The following SAMD12 variants were observed in gnomAD, a reference collection of about 807,000 sequenced individuals.
The protein encoded by SAMD12 is sterile alpha motif domain containing 12, also known as sterile alpha motif domain-containing protein 12.
A neutral mutation model predicts 15.0 loss-of-function variants in SAMD12; 9 were observed. That is an observed-to-expected ratio of 0.60 (90% confidence interval 0.36 to 1.05). The LOEUF (loss-of-function observed/expected upper bound fraction) is 1.05. SAMD12 is among the 50% of genes least tolerant of loss of function. The pLI, the probability that SAMD12 is intolerant of heterozygous loss-of-function variation, is 0.01. For synonymous variants in SAMD12, 86 were observed against 90.1 expected, an observed-to-expected ratio of 0.96 and a Z score of 0.25; for missense variants, 230 against 234.2, an observed-to-expected ratio of 0.98 and a Z score of 0.12.
At chr8:118,315,693 A>AT (rs1815857995) in intron 4 of SAMD12, among the ~76,000 whole-genome samples, 1 of 152,178 alleles carries the variant, frequency 6.6e-6, no homozygotes, top group Admixed American at 6.5e-5. Flanking sequence ...TAGAAAAAAA[A>AT]ACTTCCAGAA....
At chr8:118,539,300 A>G (rs1825929473) in intron 2 of SAMD12, among the ~76,000 whole-genome samples, 1 of 152,196 alleles carries the variant, frequency 6.6e-6, no homozygotes, top group Non-Finnish European at 1.5e-5. Context: ...GAAGCCTCAA[A>G]TTGACACTTT....
intron 4 of SAMD12, among the ~76,000 whole-genome samples, chr8:118,258,326 C>T (rs2130050333): frequency 6.6e-6 from 1 of 152,286 alleles, no homozygotes; most frequent in South Asian, 2.1e-4. Flanking sequence ...TTATAAACCA[C>T]TTTCCTCATC....
intron 3 of SAMD12, among the ~76,000 whole-genome samples, chr8:118,408,309 A>G (rs1198365566): frequency 1.3e-5 from 2 of 152,144 alleles, no homozygotes; most frequent in Non-Finnish European, 2.9e-5. Context: ...TGCCAGTACA[A>G]GTTAAGTCAT....
intron 2 of SAMD12, among the ~76,000 whole-genome samples, chr8:118,507,404 C>T (rs1824950651): frequency 6.6e-6 from 1 of 151,990 alleles, no homozygotes; most frequent in Admixed American, 6.6e-5. Context: ...ACGACAATAT[C>T]TACCACAAAG....
chr8:118,596,316 G>C (rs777646953), intron 1 of SAMD12, among the ~76,000 whole-genome samples: 8 of 152,208 alleles, frequency 5.3e-5, no homozygotes, highest in Admixed American at 5.2e-4. Context: ...CCATTTTATA[G>C]ATGAAAAGAC....
intron 4 of SAMD12, among the ~76,000 whole-genome samples, chr8:118,371,793 G>A (rs1819110351): frequency 6.6e-6 from 1 of 152,092 alleles, no homozygotes; most frequent in Non-Finnish European, 1.5e-5. Flanking sequence ...AGCGGTAGAG[G>A]GTGAGATTGT....
intron 4 of SAMD12, among the ~76,000 whole-genome samples, chr8:118,349,439 G>A (rs1346877419): frequency 6.6e-6 from 1 of 152,208 alleles, no homozygotes; most frequent in East Asian, 1.9e-4. Flanking sequence ...AACTTTGAAA[G>A]GGCTTGGTGA....
At chr8:118,537,680 C>T (rs545019660) in intron 2 of SAMD12, among the ~76,000 whole-genome samples, 30 of 152,206 alleles carry the variant, frequency 2.0e-4, no homozygotes, top group African/African-American at 7.2e-4. Context: ...TTCTGAATTC[C>T]TTCTCTGTGT....
chr8:118,608,605 G>C (rs1217765274), intron 1 of SAMD12, among the ~76,000 whole-genome samples: 1 of 152,088 alleles, frequency 6.6e-6, no homozygotes, highest in East Asian at 1.9e-4. Context: ...TCTGGTTCAA[G>C]CAATTCTTCT....
intron 2 of SAMD12, among the ~76,000 whole-genome samples, chr8:118,443,050 TA>T (rs1822805628): frequency 6.6e-6 from 1 of 152,214 alleles, no homozygotes; most frequent in South Asian, 2.1e-4. Flanking sequence ...CCTTTTATCA[TA>T]AATTCAGAGA....
At chr8:118,416,082 G>C (rs951084035) in intron 3 of SAMD12, among the ~76,000 whole-genome samples, 8 of 152,050 alleles carry the variant, frequency 5.3e-5, no homozygotes, top group African/African-American at 1.9e-4. Context: ...AGGAGAATAG[G>C]GTTTTCTATC....
chr8:118,524,483 G>T (rs192686654), intron 2 of SAMD12, among the ~76,000 whole-genome samples: 28 of 152,114 alleles, frequency 1.8e-4, no homozygotes, highest in Admixed American at 2.0e-4. Flanking sequence ...AGTCACTGCA[G>T]CTCTGCTCTT....
In SAMD12 at chr8:118,286,604, C is replaced by G. The variant is rs186586210; in HGVS notation, c.434-88872G>C. Among the ~76,000 whole-genome samples, 1,012 of 152,286 alleles carry G rather than the reference C, an allele frequency of 6.6e-3. 14 individuals carry two copies. The highest frequency in any genetic ancestry group is 0.023 in the African/African-American group (965 of 41,566). ...ATGTGTCATAAACTGGCAGGGTTCTCCATGCTCCCTTTAGCTGGGAAGCCA... is the reference window on the plus strand; with the variant it reads ...ATGTGTCATAAACTGGCAGGGTTCTGCATGCTCCCTTTAGCTGGGAAGCCA... On this transcript the variant is annotated intron_variant, in intron 4 of 4. Transcript: ENST00000409003.
intron 2 of SAMD12, among the ~76,000 whole-genome samples, chr8:118,536,690 T>G (rs980873352): frequency 6.6e-6 from 1 of 152,228 alleles, no homozygotes; most frequent in African/African-American, 2.4e-5. Context: ...CACTTCCATT[T>G]TTAACTTTTT....
intron 4 of SAMD12, among the ~76,000 whole-genome samples, chr8:118,211,546 GT>G (rs1757201438): frequency 6.6e-6 from 1 of 152,206 alleles, no homozygotes; most frequent in African/African-American, 2.4e-5. Flanking sequence ...TAAAATAACA[GT>G]TTGGGCAAGT....
chr8:118,593,585 C>T (rs1309238562), intron 1 of SAMD12, among the ~76,000 whole-genome samples: 3 of 152,128 alleles, frequency 2.0e-5, no homozygotes, highest in African/African-American at 7.2e-5. Flanking sequence ...TACAGCATAA[C>T]GGACAGTGCA....
At chr8:118,214,020 T>G (rs756979436) in intron 4 of SAMD12, among the ~76,000 whole-genome samples, 1 of 152,156 alleles carries the variant, frequency 6.6e-6, no homozygotes, top group Non-Finnish European at 1.5e-5. Context: ...TACTTGGAAA[T>G]TGAGAGTAGA....
chr8:118,236,105 G>T (rs568847129), intron 4 of SAMD12, among the ~76,000 whole-genome samples: 15 of 152,052 alleles, frequency 9.9e-5, no homozygotes, highest in Admixed American at 9.8e-4. Context: ...ATGAATATTC[G>T]CAGTTATGAG....
intron 4 of SAMD12, among the ~76,000 whole-genome samples, chr8:118,235,011 A>C (rs568066920): frequency 6.6e-6 from 1 of 152,176 alleles, no homozygotes; most frequent in African/African-American, 2.4e-5. Flanking sequence ...AGTATGTTAC[A>C]TTTTAGAATT....
Sources: gnomAD v4.1 joint callset for allele counts (sites outside exome capture counted in the v4.1 genomes callset) on GRCh38, gnomAD v4.1.1 for gene constraint, MANE v1.5 for transcripts, NCBI Gene and HGNC (gene_info 2026-07-23, HGNC 2026-07-21) for gene names.